SRGAP2C: variants seen among roughly 807,000 people sequenced by gnomAD.
The protein encoded by SRGAP2C is SLIT-ROBO Rho GTPase activating protein 2C.
In SRGAP2C, 15 loss-of-function variants were observed where a neutral mutation model predicts 25.1. That is an observed-to-expected ratio of 0.60 (90% CI 0.40 to 0.92). The LOEUF is 0.92. SRGAP2C is among the 40% of genes least tolerant of loss of function. The pLI, the probability that SRGAP2C is intolerant of heterozygous loss-of-function variation, is 0.00. For synonymous variants in SRGAP2C, 44 were observed against 96.6 expected, an observed-to-expected ratio of 0.46 and a Z score of 3.19; for missense variants, 144 against 264.4, an observed-to-expected ratio of 0.54 and a Z score of 3.16.
intron 3 of SRGAP2C, among the ~76,000 whole-genome samples, chr1:121,286,813 C>G (rs1167671601): frequency 6.7e-6 from 1 of 150,358 alleles, no homozygotes; most frequent in East Asian, 2.0e-4. Context: ...TGTTTCTGTT[C>G]CACTATACCC....
intron 4 of SRGAP2C, among the ~76,000 whole-genome samples, chr1:121,336,498 TTTTCCTC>T (rs1366343516): frequency 1.8e-5 from 2 of 112,820 alleles, no homozygotes; most frequent in Non-Finnish European, 3.7e-5. Context: ...TCTCTCTTCC[TTTTCCTC>T]TTTCCTTCTC....
Position 121,391,681 on chromosome 1 carries a change from ATAAG to A in SRGAP2C, c.*3830_*3833del, listed in dbSNP as rs1297567339. On this transcript the variant is annotated 3_prime_UTR_variant, in exon 10 of 10. Coordinates refer to ENST00000367123, the MANE Select transcript of SRGAP2C (RefSeq NM_001329984.2). The stretch of plus-strand genomic sequence containing the variant: ...AAAAAAAAAAATCCTTAACAATATA[ATAAG>A]TAAAGAAAATTTAAAACCACAAAAC... 1.3e-5 allele frequency: 2 copies of A among 152,308 alleles called. No homozygotes were observed. Among genetic ancestry groups the A allele is most frequent in the Non-Finnish European group, 2.9e-5 (2 of 68,054 alleles). 9.4% of individuals were successfully genotyped at this position (152,308 alleles called of 1,614,324 possible).
rs1321388891 is a variant in SRGAP2C, at chr1:121,235,111, T to C, written c.67+47598T>C. Among the ~76,000 whole-genome samples, 7 of 144,482 alleles carry C rather than the reference T, an allele frequency of 4.8e-5. No individual in the cohort carries two copies. The East Asian group carries it at 1.4e-3, about 29-fold the overall frequency. The allele number at this position is 144,482 out of a possible 152,430, so 94.8% of individuals were successfully genotyped here. A position where few individuals can be genotyped will look rare whatever the true frequency, so the allele number is the denominator to read the frequency against. ...ATCTCGGCTCGCTGCAAGCTCCGCC[T>C]CCCGGGTTCACGCCATTCTCCATTC... On this transcript the variant is annotated intron_variant, in intron 2 of 9. Transcript: ENST00000367123.
chr1:121,286,682 T>A (rs1281432200), intron 3 of SRGAP2C, among the ~76,000 whole-genome samples: 1 of 152,236 alleles, frequency 6.6e-6, no homozygotes, highest in Admixed American at 6.6e-5. Flanking sequence ...TAGCATGTGA[T>A]TTGTGTGCAC....
At chr1:121,267,844 G>A (rs1281462616) in intron 2 of SRGAP2C, among the ~76,000 whole-genome samples, 19 of 147,744 alleles carry the variant, frequency 1.3e-4, no homozygotes, top group African/African-American at 4.7e-4. Flanking sequence ...TTTTTGATGG[G>A]TTTCCTTTTT....
chr1:121,380,091 GAGTCT>G, intron 7 of SRGAP2C, among the ~76,000 whole-genome samples: 1 of 25,060 alleles, frequency 4.0e-5, no homozygotes, highest in South Asian at 1.4e-3. Flanking sequence ...AGGGTCACTG[GAGTCT>G]AGGATTGCAG....
At chr1:121,368,404 CA>C (rs781901337) in intron 5 of SRGAP2C, among the ~76,000 whole-genome samples, 73,886 of 124,824 alleles carry the variant, frequency 0.59, 19,655 homozygotes, top group East Asian at 0.75. Context: ...GACTCTGTCT[CA>C]AAAAAAAAAA....
At chr1:121,282,675 C>A (rs1357950980) in intron 2 of SRGAP2C, among the ~76,000 whole-genome samples, 1 of 151,850 alleles carries the variant, frequency 6.6e-6, no homozygotes, top group East Asian at 1.9e-4. Context: ...CCACCTCAGC[C>A]TCCCCAGTAG....
intron 2 of SRGAP2C, among the ~76,000 whole-genome samples, chr1:121,259,724 A>C (rs1239022455): frequency 5.3e-5 from 8 of 151,392 alleles, no homozygotes; most frequent in Non-Finnish European, 1.2e-4. Flanking sequence ...AACAATAAAC[A>C]TGATGAATAT....
chr1:121,199,602 C>A lies in SRGAP2C; in HGVS notation c.67+12089C>A, dbSNP rs1553321341. On this transcript the variant is annotated intron_variant, in intron 2 of 9. Coordinates refer to ENST00000367123, the MANE Select transcript of SRGAP2C (RefSeq NM_001329984.2). ...GGTCAGGAGTTCAAGACCAGCCTGG[C>A]CAACATGGTGAAACCCCGTCTCTAT... 3.8e-5 allele frequency among the ~76,000 whole-genome samples: 3 copies of A among 79,090 alleles called. 1 individual carries two copies. In the South Asian group the frequency reaches 9.2e-4, roughly 24 times the overall value. The allele number at this position is 79,090 out of a possible 152,430, so 51.9% of individuals were successfully genotyped here. A position where few individuals can be genotyped will look rare whatever the true frequency, so the allele number is the denominator to read the frequency against.
chr1:121,198,816 C>T (rs1553321168), intron 2 of SRGAP2C, among the ~76,000 whole-genome samples: 2 of 149,468 alleles, frequency 1.3e-5, no homozygotes, highest in African/African-American at 2.5e-5. Flanking sequence ...CAATACAGTA[C>T]TTTGTTACGC....
chr1:121,380,834 TA>T (rs1198678326), intron 7 of SRGAP2C, among the ~76,000 whole-genome samples: 2 of 151,192 alleles, frequency 1.3e-5, no homozygotes, highest in Non-Finnish European at 2.9e-5. Flanking sequence ...AGGGTATGAA[TA>T]GGGGTAGAGG....
chr1:121,244,529 TTTGA>T (rs1656196034), intron 2 of SRGAP2C, among the ~76,000 whole-genome samples: 1 of 89,846 alleles, frequency 1.1e-5, no homozygotes, highest in Admixed American at 1.2e-4. Context: ...AGTATTTCCT[TTTGA>T]TTGGGCAATT....
chr1:121,272,069 GA>G (rs1463430358), intron 2 of SRGAP2C, among the ~76,000 whole-genome samples: 16 of 34,096 alleles, frequency 4.7e-4, no homozygotes, highest in African/African-American at 9.0e-4. Context: ...GCTGAGGCAA[GA>G]GAATTGCTTG....
At chr1:121,190,128 A>G (rs1300292909) in intron 2 of SRGAP2C, among the ~76,000 whole-genome samples, 1 of 152,168 alleles carries the variant, frequency 6.6e-6, no homozygotes, top group Non-Finnish European at 1.5e-5. Context: ...TTGGAGACAA[A>G]GGGCCTGCGA....
At chr1:121,357,474 T>C (rs1386311169) in intron 4 of SRGAP2C, among the ~76,000 whole-genome samples, 3 of 152,068 alleles carry the variant, frequency 2.0e-5, no homozygotes, top group African/African-American at 7.2e-5. Flanking sequence ...CCTTCATCAT[T>C]TCTTCCTTTC....
In SRGAP2C at chr1:121,289,302, G is replaced by C. The variant is rs1488433729; in HGVS notation, c.260+4307G>C. Among the ~76,000 whole-genome samples the C allele has an allele frequency of 2.1e-5, 3 of 146,318 alleles. No individual in the cohort carries two copies. The South Asian group carries it at 6.5e-4, about 32-fold the overall frequency. On this transcript the variant is annotated intron_variant, in intron 3 of 9. Transcript: ENST00000367123. ...AAATCGAGCACAGCGCCGATGGTCCGGCACTGCTGGGGGACTCAGTACACC... is the reference window on the plus strand; with the variant it reads ...AAATCGAGCACAGCGCCGATGGTCCCGCACTGCTGGGGGACTCAGTACACC...
chr1:121,280,256 C>A (rs1396949402), intron 2 of SRGAP2C, among the ~76,000 whole-genome samples: 1 of 148,548 alleles, frequency 6.7e-6, no homozygotes, highest in Non-Finnish European at 1.5e-5. Flanking sequence ...AATTTTTATT[C>A]AAGTGTCATT....
chr1:121,274,996 T>G (rs1213005558), intron 2 of SRGAP2C, among the ~76,000 whole-genome samples: 1 of 151,352 alleles, frequency 6.6e-6, no homozygotes, highest in African/African-American at 2.4e-5. Flanking sequence ...TTTGCTTTGC[T>G]AACTACAGCC....
Sources: allele counts gnomAD v4.1 joint callset (sites outside exome capture counted in the v4.1 genomes callset), GRCh38; gene constraint gnomAD v4.1.1; transcripts MANE v1.5; gene names NCBI Gene and HGNC (gene_info 2026-07-23, HGNC 2026-07-21).